EMC3: variants seen among roughly 807,000 people sequenced by gnomAD.
EMC3 encodes the protein ER membrane protein complex subunit 3.
EMC3 carries 13 observed loss-of-function variants against 36.6 expected under a neutral mutation model. The ratio of observed to expected loss-of-function variants is 0.35; its 90% confidence interval spans 0.23 to 0.56. The LOEUF (loss-of-function observed/expected upper bound fraction) is 0.56. EMC3 is among the 20% of genes least tolerant of loss of function. The pLI, the probability that EMC3 is intolerant of heterozygous loss-of-function variation, is 0.84. For missense variants in EMC3, 220 were observed against 324.5 expected (o/e 0.68, Z 2.47); for synonymous variants, 120 against 111.9 (o/e 1.07, Z -0.46).
intron 3 of EMC3, among the ~76,000 whole-genome samples, chr3:9,976,241 GACT>G (rs369195475): frequency 2.0e-5 from 3 of 152,210 alleles, no homozygotes; most frequent in African/African-American, 7.2e-5. Context: ...GGGTAGCTGG[GACT>G]ACAGGCACCC....
intron 7 of EMC3, among the ~76,000 whole-genome samples, chr3:9,968,154 T>C (rs763941852): frequency 3.0e-4 from 46 of 152,216 alleles, no homozygotes; most frequent in Non-Finnish European, 6.8e-4. Context: ...TCTCTTGACG[T>C]TGTGATCTGC....
intron 1 of EMC3, chr3:10,003,686 A>C (rs1373900305): frequency 5.4e-6 from 1 of 185,074 alleles, no homozygotes; most frequent in East Asian, 1.2e-4. Flanking sequence ...TTTTAAAGTT[A>C]CTCTGTCACT....
At chr3:9,996,685 A>G (rs564007682) in intron 1 of EMC3, among the ~76,000 whole-genome samples, 1 of 152,142 alleles carries the variant, frequency 6.6e-6, no homozygotes, top group Non-Finnish European at 1.5e-5. Flanking sequence ...AATTCAAAAC[A>G]TATAGAAGAG....
chr3:9,969,759 G>A lies in EMC3; in HGVS notation c.617C>T (p.Ala206Val), dbSNP rs2124901401. The A allele has an allele frequency of 4.3e-6, 7 of 1,613,952 alleles. No homozygotes were observed. Among genetic ancestry groups the A allele is most frequent in the Non-Finnish European group, 5.9e-6 (7 of 1,180,024 alleles). Residue 206 changes from alanine (A) to valine (V), a missense_variant, in exon 7 of 8, where the codon GCA becomes GTA. Physicochemically the swap from Ala to Val is moderately conservative, Grantham distance 64. Around this residue, in one of 3 missense-constraint regions of EMC3, gnomAD observed 56 missense variants for 117.0 expected, o/e 0.48. Coordinates refer to ENST00000245046, the MANE Select transcript of EMC3 (RefSeq NM_001394674.1). ...SRMMQEQMTG[A>V]AMAMPADTNK... ...TGTGTCTGCGGGCATGGCCATGGCT[G>A]CTCCCGTCATCTGCTCCTGCATCAT...
chr3:9,986,721 T>G lies in EMC3; in HGVS notation c.-60A>C, dbSNP rs113673829. ...CGAGCTTCTCTTCTCCGGGGCACAG[T>G]TGCTTCTCTTCGGCTTCGCCTCCGG... On this transcript the variant is annotated 5_prime_UTR_variant, in exon 1 of 8. Coordinates refer to ENST00000245046, the MANE Select transcript of EMC3 (RefSeq NM_001394674.1). 1.3e-4 allele frequency: 205 copies of G among 1,598,568 alleles called. No homozygotes were observed. Among genetic ancestry groups the G allele is most frequent in the Non-Finnish European group, 1.6e-4 (185 of 1,171,664 alleles).
chr3:9,963,884 A>C lies in EMC3; in HGVS notation c.*185T>G, dbSNP rs532400968. 1 of 858,624 alleles carries C rather than the reference A, an allele frequency of 1.2e-6. No individual in the cohort carries two copies. The highest frequency in any genetic ancestry group is 2.8e-5 in the East Asian group (1 of 36,214). 53.2% of individuals were successfully genotyped at this position (858,624 alleles called of 1,614,324 possible). The stretch of plus-strand genomic sequence containing the variant: ...ACATTTTAAAAATAACAAGTTGCCC[A>C]GCATACTCCTATTTCCTCTAGTTTC... On this transcript the variant is annotated 3_prime_UTR_variant, in exon 8 of 8. Coordinates refer to ENST00000245046, the MANE Select transcript of EMC3 (RefSeq NM_001394674.1).
At chr3:9,966,727 A>T (rs1362105491) in intron 7 of EMC3, among the ~76,000 whole-genome samples, 1 of 151,830 alleles carries the variant, frequency 6.6e-6, no homozygotes, top group Non-Finnish European at 1.5e-5. Context: ...GGCAGGCACC[A>T]CTATGCCCAG....
intron 5 of EMC3, among the ~76,000 whole-genome samples, chr3:9,972,663 G>A (rs1185870368): frequency 5.3e-5 from 8 of 151,404 alleles, no homozygotes; most frequent in Non-Finnish European, 8.8e-5. Flanking sequence ...CCAAGTACTC[G>A]GGAGGCTGAG....
Position 9,992,911 on chromosome 3 carries a change from C to G in EMC3, c.-241-6009G>C, listed in dbSNP as rs2086072068. ...CTTTTCATCATCTATAGCACCAATA[C>G]TCAGACAAAGAAGTACATTGAAAGG... On this transcript the variant is annotated intron_variant, in intron 1 of 8. Transcript: ENST00000470827. 4 of 1,608,794 alleles carry G rather than the reference C, an allele frequency of 2.5e-6. No individual in the cohort carries two copies. In the African/African-American group the frequency reaches 5.3e-5, roughly 22 times the overall value.
chr3:9,972,067 G>A (rs754654840), intron 5 of EMC3, among the ~76,000 whole-genome samples: 2 of 152,084 alleles, frequency 1.3e-5, no homozygotes, highest in Non-Finnish European at 2.9e-5. Flanking sequence ...AAATTATAAA[G>A]AGTGGTAAGT....
At position 9,982,399 on chromosome 3, in the gene EMC3, G is replaced by A. The variant is rs528630382; in HGVS notation, c.155+4108C>T. Among the ~76,000 whole-genome samples the A allele has an allele frequency of 1.1e-4, 17 of 151,942 alleles. No homozygotes were observed. The East Asian group carries it at 1.9e-3, about 17-fold the overall frequency. On this transcript the variant is annotated intron_variant, in intron 1 of 7. Transcript: ENST00000245046. ...CTCCCGAGTAGCTGGGATTACAGGC[G>A]CGTCCCACCATGCTCGGGTTATTTT...
intron 1 of EMC3, among the ~76,000 whole-genome samples, chr3:10,005,423 TGCCAGTGACCC>T (rs966747801): frequency 2.6e-5 from 4 of 152,148 alleles, no homozygotes; most frequent in Non-Finnish European, 4.4e-5. Flanking sequence ...GGGCCAGGCA[TGCCAGTGACCC>T]GCCAGGGACA....
intron 5 of EMC3, among the ~76,000 whole-genome samples, chr3:9,972,811 T>C (rs537852810): frequency 6.0e-5 from 9 of 150,688 alleles, no homozygotes; most frequent in East Asian, 3.9e-4. Flanking sequence ...CAATGAAGTA[T>C]TGCAAATTAG....
intron 3 of EMC3, among the ~76,000 whole-genome samples, chr3:9,976,005 T>A (rs57874260): frequency 0.031 from 4,674 of 152,188 alleles, 251 homozygotes; most frequent in African/African-American, 0.11. Flanking sequence ...ACCTTCCGTA[T>A]GGGTTTAAAA....
At chr3:9,968,366 T>TA (rs2085752505) in intron 7 of EMC3, among the ~76,000 whole-genome samples, 1 of 152,272 alleles carries the variant, frequency 6.6e-6, no homozygotes, top group South Asian at 2.1e-4. Flanking sequence ...TTAGCTCTGT[T>TA]AGTTTTCTTG....
In EMC3 at chr3:9,969,762, C is replaced by A; in HGVS notation, c.614G>T (p.Gly205Val). 6.2e-7 allele frequency: 1 copy of A among 1,613,864 alleles called. No homozygotes were observed. Among genetic ancestry groups the A allele is most frequent in the Non-Finnish European group, 8.5e-7 (1 of 1,180,020 alleles). The change falls in exon 7 of 8, where the codon GGA (glycine) becomes GTA (valine). Residue 205 changes from glycine (G) to valine (V), a missense_variant. Physicochemically the swap from Gly to Val is moderately radical, Grantham distance 109 (BLOSUM62 -3). Transcript: ENST00000245046. Reference sequence around the variant, plus strand: ...GTCTGCGGGCATGGCCATGGCTGCTCCCGTCATCTGCTCCTGCATCATTCG... The same window carrying A: ...GTCTGCGGGCATGGCCATGGCTGCTACCGTCATCTGCTCCTGCATCATTCG... ...QSRMMQEQMT[G>V]AAMAMPADTN...
intron 1 of EMC3, among the ~76,000 whole-genome samples, chr3:9,982,516 A>G (rs2085922633): frequency 6.6e-6 from 1 of 152,214 alleles, no homozygotes; most frequent in South Asian, 2.1e-4. Context: ...GCCTCCCAAA[A>G]GTGCTAGAAT....
At chr3:9,987,129 G>A, upstream of EMC3, 1 of 822,878 alleles carries the variant, frequency 1.2e-6, no homozygotes, top group East Asian at 1.2e-4. Context: ...CAGGAGAATG[G>A]CGTGAACCCA....
At chr3:9,981,723 T>G (rs1373789014) in intron 1 of EMC3, 1 of 435,982 alleles carries the variant, frequency 2.3e-6, no homozygotes, top group Non-Finnish European at 4.6e-6. Flanking sequence ...GTGTGAGCCA[T>G]TGCACCAGGC....
Sources: allele counts gnomAD v4.1 joint callset (sites outside exome capture counted in the v4.1 genomes callset), GRCh38; gene constraint gnomAD v4.1.1; regional missense constraint gnomAD v4.1.1; transcripts MANE v1.5; gene names NCBI Gene and HGNC (gene_info 2026-07-23, HGNC 2026-07-21).